DSP: variants seen among roughly 807,000 people sequenced by gnomAD.
DSP encodes 250/210 kDa paraneoplastic pemphigus antigen.
DSP carries 114 observed loss-of-function variants against 290.6 expected under a neutral mutation model. The ratio of observed to expected loss-of-function variants is 0.39; its 90% CI spans 0.34 to 0.46. DSP has a LOEUF of 0.46. Among genes scored for constraint, DSP ranks in the 20% least tolerant of loss-of-function variants. The pLI is 0.99. For missense variants in DSP, 3,230 were observed against 3,495.8 expected (o/e 0.92, Z 1.92); for synonymous variants, 1,311 against 1,316.4 (o/e 1.00, Z 0.09).
chr6:7,561,985 T>G (rs530714657), intron 4 of DSP, among the ~76,000 whole-genome samples: 1 of 152,248 alleles, frequency 6.6e-6, no homozygotes, highest in African/African-American at 2.4e-5. Context: ...AATAATAAAT[T>G]TAGTCAGATT....
At chr6:7,563,653 A>C in intron 5 of DSP, 83 bp from the exon 6 acceptor site, 1 of 1,113,770 alleles carries the variant, frequency 9.0e-7, no homozygotes, top group Non-Finnish European at 1.4e-6. Context: ...CAGTATCTGA[A>C]GAAAAGGAGG....
At position 7,579,337 on chromosome 6, in the gene DSP, G is replaced by A. The variant is rs756341143; in HGVS notation, c.3147G>A (p.Ser1049=). The change falls in exon 23 of 24, where the codon TCG becomes TCA. Residue 1049 remains serine, a synonymous_variant. Coordinates refer to ENST00000379802, the MANE Select transcript of DSP (RefSeq NM_004415.4). The surrounding 1 kb of genome is among the most constrained non-coding windows in gnomAD (Gnocchi z 4.1). ...EELRLARDAN[S]ENCNKNKFLD... is the part of the protein sequence containing the mutation. ...TCAGACTGGCCCGAGATGCCAACTCGGAAAACTGTAATAAGAACAAATTCC... is the reference window on the plus strand; with the variant it reads ...TCAGACTGGCCCGAGATGCCAACTCAGAAAACTGTAATAAGAACAAATTCC... The A allele has an allele frequency of 2.3e-5, 37 of 1,614,026 alleles. No individual in the cohort carries two copies. Among genetic ancestry groups the A allele is most frequent in the African/African-American group, 4.0e-5 (3 of 74,922 alleles).
rs1161779427 is a variant in DSP, at chr6:7,555,808, C to T, written c.261C>T (p.Leu87=). Residue 87 remains leucine, a synonymous_variant, in exon 2 of 24, where the codon CTC becomes CTT. Coordinates refer to ENST00000379802, the MANE Select transcript of DSP (RefSeq NM_004415.4). ...CCGACTGCTTGATGCGAGCAGAGCT[C>T]ATCGTGCAGCCTGTAAGCTTTCCCT... ...NCSDCLMRAE[L]IVQPELKYGD... is the part of the protein sequence containing the mutation. 1.9e-6 allele frequency: 3 copies of T among 1,614,062 alleles called. No individual in the cohort carries two copies. In the South Asian group the frequency reaches 3.3e-5, roughly 18 times the overall value.
chr6:7,563,132 T>A (rs948917852), intron 5 of DSP, among the ~76,000 whole-genome samples: 3 of 152,168 alleles, frequency 2.0e-5, no homozygotes, highest in Non-Finnish European at 4.4e-5. Context: ...CATTGGTGAA[T>A]CCTTTCCTAG....
At chr6:7,578,370 A>C in intron 21 of DSP, 94 bp from the exon 22 acceptor site, 1 of 1,058,118 alleles carries the variant, frequency 9.5e-7, no homozygotes, top group Non-Finnish European at 1.4e-6. Context: ...ACTCTTTATA[A>C]TTTCACTATT....
chr6:7,584,389 G>A lies in DSP; in HGVS notation c.7127G>A (p.Gly2376Glu), dbSNP rs1759560047. The change falls in exon 24 of 24, where the codon GGG becomes GAG. Residue 2376 changes from glycine to glutamate, a missense_variant. Coordinates refer to ENST00000379802, the MANE Select transcript of DSP (RefSeq NM_004415.4). The surrounding 1 kb of genome is among the most constrained non-coding windows in gnomAD (Gnocchi z 6.4). The stretch of plus-strand genomic sequence containing the variant: ...TTAGAAGCACAGATCGCAACCGGGG[G>A]GATCATTGACCCAAAGGAGAGCCAT... Reference protein sequence around the residue: ...RLLEAQIATGGIIDPKESHRL... With the variant: ...RLLEAQIATGEIIDPKESHRL... The A allele has an allele frequency of 1.2e-6, 2 of 1,613,960 alleles. No individual in the cohort carries two copies. The highest frequency in any genetic ancestry group is 8.5e-7 in the Non-Finnish European group (1 of 1,179,986).
At position 7,554,125 on chromosome 6, in the gene DSP, A is replaced by ACACACACACC. The variant is rs772041102; in HGVS notation, c.171-1592_171-1591insACACACACCC. Among the ~76,000 whole-genome samples the ACACACACACC allele has an allele frequency of 2.6e-3, 373 of 144,452 alleles. 5 individuals are homozygous for ACACACACACC. The highest frequency in any genetic ancestry group is 7.3e-3 in the African/African-American group (274 of 37,400). 94.8% of individuals were successfully genotyped at this position (144,452 alleles called of 152,430 possible). On this transcript the variant is annotated intron_variant, in intron 1 of 23. Transcript: ENST00000379802. The stretch of plus-strand genomic sequence containing the variant: ...CACACACACACACACACACACACAC[A>ACACACACACC]CCCAGTTGGTTAGACAGGCATCAGA...
At chr6:7,552,401 C>T (rs1219201306) in intron 1 of DSP, among the ~76,000 whole-genome samples, 2 of 142,626 alleles carry the variant, frequency 1.4e-5, no homozygotes, top group Non-Finnish European at 3.1e-5. Context: ...ATTAAAAATA[C>T]AAAAAAAAAA....
At chr6:7,546,274 G>A (rs1344657987) in intron 1 of DSP, among the ~76,000 whole-genome samples, 1 of 152,220 alleles carries the variant, frequency 6.6e-6, no homozygotes, top group South Asian at 2.1e-4. Context: ...CAGAGCTCGA[G>A]TGACTCATAG....
Position 7,580,311 on chromosome 6 carries a change from A to G in DSP, c.4121A>G (p.Lys1374Arg), listed in dbSNP as rs1561698465. The change falls in exon 23 of 24, where the codon AAG (lysine) becomes AGG (arginine). Residue 1374 changes from lysine to arginine, a missense_variant. By Grantham distance (26) the Lys-to-Arg change is conservative (BLOSUM62 2). Transcript: ENST00000379802. This position sits in a 1 kb window ranked among gnomAD's most constrained non-coding sequence, Gnocchi z 4.2. ...NQFETEINIT[K>R]TTIHQLTMQK... ...TTTGAGACCGAGATCAACATCACCAAGACCACCATCCACCAGCTCACCATG... is the reference window on the plus strand; with the variant it reads ...TTTGAGACCGAGATCAACATCACCAGGACCACCATCCACCAGCTCACCATG... 1 of 1,614,006 alleles carries G rather than the reference A, an allele frequency of 6.2e-7. No individual in the cohort carries two copies. The highest frequency in any genetic ancestry group is 8.5e-7 in the Non-Finnish European group (1 of 1,179,954).
chr6:7,581,937 C>T (rs1759451688), intron 23 of DSP, among the ~76,000 whole-genome samples: 2 of 152,092 alleles, frequency 1.3e-5, no homozygotes, highest in African/African-American at 4.8e-5. Flanking sequence ...AAATAGAAGC[C>T]ATACTAAAGT....
chr6:7,572,712 G>C (rs761218599), intron 15 of DSP, among the ~76,000 whole-genome samples: 1 of 152,148 alleles, frequency 6.6e-6, no homozygotes, highest in South Asian at 2.1e-4. Flanking sequence ...TGTGTGATCA[G>C]TATGCCAAAA....
Position 7,582,505 on chromosome 6 carries a change from A to G in DSP, c.5380-137A>G. 1 of 800,468 alleles carries G rather than the reference A, an allele frequency of 1.2e-6. No individual in the cohort carries two copies. The allele number at this position is 800,468 out of a possible 1,614,324, so 49.6% of individuals were successfully genotyped here. A position where few individuals can be genotyped will look rare whatever the true frequency, so the allele number is the denominator to read the frequency against. ...AAAATAACAAGCTCACAGTGTATCC[A>G]GGGACAATATAGAAAGAAAAAATAA... is the stretch of plus-strand genomic sequence containing the variant. On this transcript the variant is annotated intron_variant, in intron 23 of 23. Transcript: ENST00000379802. This position sits in a 1 kb window ranked among gnomAD's most constrained non-coding sequence, Gnocchi z 4.2.
rs200745877 is a variant in DSP, at chr6:7,580,307, A to G, written c.4117A>G (p.Thr1373Ala). The G allele has an allele frequency of 8.4e-5, 136 of 1,613,922 alleles. No homozygotes were observed. The highest frequency in any genetic ancestry group is 1.0e-4 in the Non-Finnish European group (123 of 1,179,976). Reference protein sequence around the residue: ...KNQFETEINITKTTIHQLTMQ... With the variant: ...KNQFETEINIAKTTIHQLTMQ... ...TCAGTTTGAGACCGAGATCAACATCACCAAGACCACCATCCACCAGCTCAC... is the reference window on the plus strand; with the variant it reads ...TCAGTTTGAGACCGAGATCAACATCGCCAAGACCACCATCCACCAGCTCAC... The change falls in exon 23 of 24, where the codon ACC (threonine) becomes GCC (alanine). Residue 1373 changes from threonine (T) to alanine (A), a missense_variant. Coordinates refer to ENST00000379802, the MANE Select transcript of DSP (RefSeq NM_004415.4). The surrounding 1 kb of genome is among the most constrained non-coding windows in gnomAD (Gnocchi z 4.2).
rs1581827453 is a variant in DSP, at chr6:7,586,056, T to C, written c.*178T>C. On this transcript the variant is annotated 3_prime_UTR_variant, in exon 24 of 24. Coordinates refer to ENST00000379802, the MANE Select transcript of DSP (RefSeq NM_004415.4). ...AAGGCTGTTCTGGCTTTTTATCTTC[T>C]TAGCTCATCTTAAATAAGCAGTACA... 1.5e-6 allele frequency: 1 copy of C among 665,354 alleles called. No individual in the cohort carries two copies. Among genetic ancestry groups the C allele is most frequent in the East Asian group, 2.7e-5 (1 of 36,674 alleles). 41.2% of individuals were successfully genotyped at this position (665,354 alleles called of 1,614,324 possible). A position where few individuals can be genotyped will look rare whatever the true frequency, so the allele number is the denominator to read the frequency against.
chr6:7,571,620 T>A, intron 14 of DSP, 36 bp downstream of exon 14: 1 of 1,612,556 alleles, frequency 6.2e-7, no homozygotes, highest in South Asian at 1.1e-5. Flanking sequence ...GTATCAACCA[T>A]CCATACCATT....
rs369821143 is a variant in DSP, at chr6:7,574,076, T to C, written c.2131-10T>C. 6 of 1,613,870 alleles carry C rather than the reference T, an allele frequency of 3.7e-6. No individual in the cohort carries two copies. The African/African-American group carries it at 4.0e-5, about 11-fold the overall frequency. ...GCTAAATCAAAAGAGCTTTCCTTCA[T>C]TTTTGACAGAGTGTGCAGAATGATT... On this transcript the variant is annotated splice_polypyrimidine_tract_variant and intron_variant, in intron 15 of 23. Coordinates refer to ENST00000379802, the MANE Select transcript of DSP (RefSeq NM_004415.4).
chr6:7,563,625 T>C, intron 5 of DSP, 111 bp from the exon 6 acceptor site: 1 of 891,402 alleles, frequency 1.1e-6, no homozygotes, highest in Non-Finnish European at 1.9e-6. Context: ...TCTTTCTTTC[T>C]ATGGAGGGAT....
In DSP at chr6:7,567,408, T is replaced by G; in HGVS notation, c.1099T>G (p.Cys367Gly). ...QWSWILQITK[C>G]IDVHLKENAA... ...GAGTTGGATTCTTCAGATCACCAAGTGCATTGATGTTCATCTGAAAGAAAA... is the reference window on the plus strand; with the variant it reads ...GAGTTGGATTCTTCAGATCACCAAGGGCATTGATGTTCATCTGAAAGAAAA... The change falls in exon 9 of 24, where the codon TGC (cysteine) becomes GGC (glycine). Residue 367 changes from cysteine (C) to glycine (G), a missense_variant. By Grantham distance (159) the Cys-to-Gly change is radical. Transcript: ENST00000379802. The G allele has an allele frequency of 6.2e-7, 1 of 1,614,140 alleles. No individual in the cohort carries two copies. Among genetic ancestry groups the G allele is most frequent in the Non-Finnish European group, 8.5e-7 (1 of 1,180,028 alleles).
Sources: gnomAD v4.1 joint callset for allele counts (sites outside exome capture counted in the v4.1 genomes callset) on GRCh38, gnomAD v4.1.1 for gene constraint, Gnocchi (gnomAD v3.1) non-coding constraint, MANE v1.5 for transcripts, NCBI Gene and HGNC (gene_info 2026-07-23, HGNC 2026-07-21) for gene names.